The following TRA2A variants were observed in gnomAD, a reference collection of about 807,000 sequenced individuals.
TRA2A encodes transformer 2 alpha homolog, also known as transformer-2 protein homolog alpha.
A neutral mutation model predicts 45.7 loss-of-function variants in TRA2A; 31 were observed. The ratio of observed to expected loss-of-function variants is 0.68; its 90% CI spans 0.51 to 0.92. The LOEUF (loss-of-function observed/expected upper bound fraction) is 0.92, where lower values mean the gene tolerates loss of function less well. TRA2A is among the 40% of genes least tolerant of loss of function. The pLI is 0.00. For missense variants in TRA2A, 304 were observed against 367.5 expected, an observed-to-expected ratio of 0.83 and a Z score of 1.41; for synonymous variants, 132 against 126.2, an observed-to-expected ratio of 1.05 and a Z score of -0.31.
At chr7:23,513,191 T>C in intron 3 of TRA2A, 109 bp from the exon 4 acceptor site, 2 of 763,418 alleles carry the variant, frequency 2.6e-6, no homozygotes, top group South Asian at 2.3e-5. Context: ...ATATATTGTT[T>C]CTAATAATTT....
chr7:23,516,772 A>G (rs535566997), intron 2 of TRA2A, among the ~76,000 whole-genome samples: 20 of 151,212 alleles, frequency 1.3e-4, no homozygotes, highest in African/African-American at 4.9e-4. Flanking sequence ...TCTTCTTTTA[A>G]AAAACAAAAA....
chr7:23,520,513 C>T (rs1367951156), intron 2 of TRA2A, among the ~76,000 whole-genome samples: 1 of 152,062 alleles, frequency 6.6e-6, no homozygotes, highest in African/African-American at 2.4e-5. Flanking sequence ...CCGGGCTAGA[C>T]CCTTGCTGTA....
chr7:23,509,148 A>G (rs933086376), intron 4 of TRA2A, among the ~76,000 whole-genome samples: 4 of 152,154 alleles, frequency 2.6e-5, no homozygotes, highest in African/African-American at 9.7e-5. Context: ...AATTTTTAAA[A>G]AGAACTTTAC....
At chr7:23,523,753 T>C (rs976179371) in intron 1 of TRA2A, among the ~76,000 whole-genome samples, 8 of 152,214 alleles carry the variant, frequency 5.3e-5, no homozygotes, top group African/African-American at 1.9e-4. Flanking sequence ...CAATCTGGGC[T>C]TTTTCATTCA....
At chr7:23,531,415 A>G (rs1005910151) in intron 1 of TRA2A, 1 of 321,396 alleles carries the variant, frequency 3.1e-6, no homozygotes, top group Non-Finnish European at 5.4e-6. Context: ...GGAAGCACCT[A>G]CCACTATCCG....
intron 6 of TRA2A, 77 bp from the exon 7 acceptor site, chr7:23,505,890 AT>A (rs1789312901): frequency 3.3e-6 from 3 of 905,562 alleles, no homozygotes; most frequent in Non-Finnish European, 3.3e-6. Context: ...ATTCCTCATC[AT>A]TCAAAATAAT....
intron 1 of TRA2A, chr7:23,531,439 T>A (rs1790578583): frequency 5.7e-6 from 2 of 353,346 alleles, no homozygotes; most frequent in Non-Finnish European, 5.0e-6. Flanking sequence ...GGAGGGGAGC[T>A]CCCTGCCGCC....
intron 2 of TRA2A, among the ~76,000 whole-genome samples, chr7:23,517,614 A>G (rs1789944959): frequency 6.7e-6 from 1 of 148,556 alleles, no homozygotes. Flanking sequence ...CAAAGACAAA[A>G]CAAAACAAAA....
chr7:23,511,506 G>A (rs1789620148), intron 4 of TRA2A, among the ~76,000 whole-genome samples: 1 of 150,194 alleles, frequency 6.7e-6, no homozygotes, highest in African/African-American at 2.4e-5. Context: ...AAGACAGAAG[G>A]TCTAACAAAA....
At chr7:23,528,685 C>G (rs75931616) in intron 1 of TRA2A, among the ~76,000 whole-genome samples, 1 of 143,446 alleles carries the variant, frequency 7.0e-6, no homozygotes, top group Non-Finnish European at 1.5e-5. Flanking sequence ...TTTTTTTTTT[C>G]GAGACAGAGT....
At chr7:23,525,687 T>C (rs922403194) in intron 1 of TRA2A, among the ~76,000 whole-genome samples, 5 of 152,204 alleles carry the variant, frequency 3.3e-5, no homozygotes, top group Non-Finnish European at 7.3e-5. Flanking sequence ...CTCCAACTCC[T>C]GGGTTCAAGC....
Position 23,505,754 on chromosome 7 carries a change from T to C in TRA2A, c.830A>G (p.Tyr277Cys), listed in dbSNP as rs746967096. The C allele has an allele frequency of 5.8e-6, 9 of 1,554,170 alleles. No homozygotes were observed. The highest frequency in any genetic ancestry group is 4.6e-5 in the East Asian group (2 of 43,398). The change falls in exon 7 of 8, where the codon TAC becomes TGC. Residue 277 changes from tyrosine to cysteine, a missense_variant. Tyr to Cys is a radical substitution (Grantham distance 194). This residue lies in a region of TRA2A where 42 missense variants were observed against 37.0 expected (regional missense o/e 1.14). Transcript: ENST00000297071. ...AAGTAAAGTTCACATACTTGGGCTG[T>C]AGGAACGAGATCTTGATCGTGATCT... ...RYRSRSRSRS[Y>C]SPRRY
chr7:23,505,893 C>G (rs1470031076), intron 6 of TRA2A, 80 bp from the exon 7 acceptor site: 10 of 900,276 alleles, frequency 1.1e-5, no homozygotes, highest in African/African-American at 1.7e-5. Context: ...CCTCATCATT[C>G]AAAATAATAA....
Position 23,506,155 on chromosome 7 carries a change from G to A in TRA2A, c.753C>T (p.Asp251=). The change falls in exon 6 of 8, where the codon GAC becomes GAT. Residue 251 remains aspartate, a synonymous_variant. Coordinates refer to ENST00000297071, the MANE Select transcript of TRA2A (RefSeq NM_013293.5). ...GYDRGYDRYE[D]YDYRYRRRSP... ...AACATTACCTGTATCGGTAATCATA[G>A]TCTTCATATCTGTCATACCCACGAT... 6.2e-7 allele frequency: 1 copy of A among 1,608,880 alleles called. No individual in the cohort carries two copies. Among genetic ancestry groups the A allele is most frequent in the Non-Finnish European group, 8.5e-7 (1 of 1,176,578 alleles).
chr7:23,506,389 C>G, intron 5 of TRA2A, 123 bp from the exon 6 acceptor site: 1 of 1,218,596 alleles, frequency 8.2e-7, no homozygotes. Context: ...TGAGAAATTG[C>G]CTCCGTATCT....
chr7:23,507,557 A>G, intron 4 of TRA2A, 22 bp from the exon 5 acceptor site: 3 of 1,540,600 alleles, frequency 1.9e-6, no homozygotes, highest in Non-Finnish European at 2.7e-6. Context: ...AGGCACAAAA[A>G]GTCACGTATA....
intron 4 of TRA2A, among the ~76,000 whole-genome samples, chr7:23,510,104 C>T (rs1307235927): frequency 6.6e-6 from 1 of 152,116 alleles, no homozygotes; most frequent in Non-Finnish European, 1.5e-5. Flanking sequence ...TTGCCTGTCC[C>T]TAAAGACTGG....
At chr7:23,531,140 G>T in intron 1 of TRA2A, 1 of 853,008 alleles carries the variant, frequency 1.2e-6, no homozygotes, top group Non-Finnish European at 1.4e-6. Context: ...CACAGCTCTC[G>T]TCTTAAGAAC....
intron 4 of TRA2A, among the ~76,000 whole-genome samples, chr7:23,511,289 T>G (rs1373377134): frequency 7.0e-6 from 1 of 143,076 alleles, no homozygotes; most frequent in African/African-American, 2.6e-5. Context: ...GAGAATGGCA[T>G]GAACCCGGGA....
Sources: allele counts gnomAD v4.1 joint callset (sites outside exome capture counted in the v4.1 genomes callset), GRCh38; gene constraint gnomAD v4.1.1; regional missense constraint gnomAD v4.1.1; transcripts MANE v1.5; gene names NCBI Gene and HGNC (gene_info 2026-07-23, HGNC 2026-07-21).